Variants in MMS22L observed in about 807,000 individuals in gnomAD.
MMS22L encodes protein MMS22-like.
Under a neutral mutation model 159.1 loss-of-function variants are expected in MMS22L, and 74 were observed. That is an observed-to-expected ratio of 0.47 (90% CI 0.39 to 0.56). The LOEUF is 0.56. Ranked by LOEUF, MMS22L falls within the 20% of genes least tolerant of loss-of-function variation. The probability of loss-of-function intolerance (pLI) is 0.00; values close to 1 mark genes in which losing one functional copy is unlikely to be tolerated. For missense variants in MMS22L, 1,351 were observed against 1,422.1 expected (o/e 0.95, Z 0.80); for synonymous variants, 517 against 506.9 (o/e 1.02, Z -0.27).
intron 4 of MMS22L, 50 bp downstream of exon 4, chr6:97,278,799 A>G: frequency 3.3e-6 from 5 of 1,495,198 alleles, no homozygotes; most frequent in Non-Finnish European, 4.6e-6. Flanking sequence ...TGTGCAACTC[A>G]CTATAATGAA....
chr6:97,259,279 T>C (rs1489986267), intron 9 of MMS22L: 1 of 152,222 alleles, frequency 6.6e-6, no homozygotes, highest in Non-Finnish European at 1.5e-5. Context: ...GAATGGTTAA[T>C]TTTATGTGTC....
chr6:97,206,540 A>C (rs555732072), intron 14 of MMS22L, among the ~76,000 whole-genome samples: 1 of 152,282 alleles, frequency 6.6e-6, no homozygotes, highest in African/African-American at 2.4e-5. Context: ...ATGTTCTTAT[A>C]TTCTTATCCT....
intron 9 of MMS22L, among the ~76,000 whole-genome samples, chr6:97,262,555 G>C (rs534822330): frequency 3.1e-4 from 46 of 149,938 alleles, no homozygotes; most frequent in Non-Finnish European, 5.0e-4. Flanking sequence ...TAAGGCACGA[G>C]AATTGCTTGA....
At chr6:97,194,871 ACT>A (rs1806313828) in intron 14 of MMS22L, among the ~76,000 whole-genome samples, 2 of 152,062 alleles carry the variant, frequency 1.3e-5, no homozygotes, top group Non-Finnish European at 2.9e-5. Context: ...CAAATCACTT[ACT>A]CTCTAATTCA....
chr6:97,171,829 G>A (rs1356160974), intron 19 of MMS22L, among the ~76,000 whole-genome samples: 1 of 152,138 alleles, frequency 6.6e-6, no homozygotes, highest in African/African-American at 2.4e-5. Context: ...GCTCTCCAAA[G>A]TTTATACTTT....
chr6:97,235,546 G>A (rs1471028939), intron 11 of MMS22L, among the ~76,000 whole-genome samples: 3 of 152,174 alleles, frequency 2.0e-5, no homozygotes, highest in African/African-American at 4.8e-5. Context: ...CAGGCATTGC[G>A]GATGCCAAGA....
At chr6:97,279,339 C>G (rs1314180233) in intron 3 of MMS22L, among the ~76,000 whole-genome samples, 2 of 151,966 alleles carry the variant, frequency 1.3e-5, no homozygotes, top group East Asian at 1.9e-4. Context: ...AAAAAATTAG[C>G]CCGGCATGGT....
chr6:97,268,350 A>G lies in MMS22L; in HGVS notation c.698-348T>C, dbSNP rs2128086055. Among the ~76,000 whole-genome samples the G allele has an allele frequency of 1.3e-5, 2 of 151,988 alleles. 1 individual carries two copies. Among genetic ancestry groups the G allele is most frequent in the Middle Eastern group, 6.8e-3 (2 of 294 alleles). On this transcript the variant is annotated intron_variant, in intron 7 of 24. Coordinates refer to ENST00000683635, the MANE Select transcript of MMS22L (RefSeq NM_001350599.2). ...TAGGCACCCGCCACCTCACCTGGCT[A>G]ATTCTGTTTTTGTATTTTTAGTAGA...
chr6:97,169,729 T>C (rs1368473944), intron 19 of MMS22L, among the ~76,000 whole-genome samples: 3 of 152,168 alleles, frequency 2.0e-5, no homozygotes, highest in Non-Finnish European at 4.4e-5. Context: ...ATGACAGCAA[T>C]ATTAGAAGAA....
At chr6:97,151,642 T>C (rs111804740) in intron 23 of MMS22L, 129 bp downstream of exon 23, 2 of 721,568 alleles carry the variant, frequency 2.8e-6, no homozygotes, top group African/African-American at 1.8e-5. Flanking sequence ...CTGCCAAAAA[T>C]ACAATAATTG....
intron 14 of MMS22L, among the ~76,000 whole-genome samples, chr6:97,227,802 T>A (rs2127993216): frequency 6.6e-6 from 1 of 152,338 alleles, no homozygotes; most frequent in East Asian, 1.9e-4. Context: ...AGTGGTAGTA[T>A]TTAACTTCTT....
chr6:97,272,686 A>T lies in MMS22L; in HGVS notation c.606+18T>A. 1 of 1,589,822 alleles carries T rather than the reference A, an allele frequency of 6.3e-7. No homozygotes were observed. Among genetic ancestry groups the T allele is most frequent in the Non-Finnish European group, 8.6e-7 (1 of 1,168,094 alleles). The stretch of plus-strand genomic sequence containing the variant: ...AGAAAAAGCTGATAATTTAAAAATC[A>T]AATGAAACAAGTCAAACCTTAATCT... On this transcript the variant is annotated intron_variant, in intron 6 of 24. Coordinates refer to ENST00000683635, the MANE Select transcript of MMS22L (RefSeq NM_001350599.2).
upstream of MMS22L, chr6:97,283,254 G>T (rs1348371447): frequency 1.3e-5 from 2 of 152,336 alleles, no homozygotes; most frequent in Non-Finnish European, 2.9e-5. Flanking sequence ...GCTACCAATC[G>T]CCTCGCGATA....
chr6:97,206,081 A>G (rs967859199), intron 14 of MMS22L, among the ~76,000 whole-genome samples: 2 of 152,182 alleles, frequency 1.3e-5, no homozygotes, highest in Non-Finnish European at 2.9e-5. Flanking sequence ...AACCACTAAC[A>G]TGCAACAGGA....
intron 6 of MMS22L, 103 bp from the exon 7 acceptor site, chr6:97,270,095 C>A: frequency 2.4e-6 from 2 of 840,402 alleles, no homozygotes; most frequent in African/African-American, 1.7e-5. Context: ...GATAAAGAAC[C>A]AATTAACCTA....
intron 15 of MMS22L, among the ~76,000 whole-genome samples, chr6:97,182,464 T>A (rs1769628030): frequency 6.6e-6 from 1 of 152,186 alleles, no homozygotes; most frequent in South Asian, 2.1e-4. Flanking sequence ...CCTTCTCACC[T>A]TAGACACTGG....
chr6:97,152,620 A>T (rs189007436), intron 22 of MMS22L, among the ~76,000 whole-genome samples: 1 of 152,280 alleles, frequency 6.6e-6, no homozygotes, highest in Admixed American at 6.5e-5. Flanking sequence ...CCTAAATTAT[A>T]GCAGGAGCAC....
intron 14 of MMS22L, among the ~76,000 whole-genome samples, chr6:97,203,043 T>C (rs1033465351): frequency 6.6e-6 from 1 of 152,176 alleles, no homozygotes; most frequent in Admixed American, 6.6e-5. Flanking sequence ...ACTTACTACT[T>C]AGAAACACAT....
At chr6:97,246,271 C>A (rs543485986) in intron 11 of MMS22L, 1 of 408,384 alleles carries the variant, frequency 2.4e-6, no homozygotes, top group Admixed American at 3.2e-5. Context: ...AGTCACCTTC[C>A]TGCTGTGATG....
Sources: allele counts gnomAD v4.1 joint callset (sites outside exome capture counted in the v4.1 genomes callset), GRCh38; gene constraint gnomAD v4.1.1; transcripts MANE v1.5; gene names NCBI Gene and HGNC (gene_info 2026-07-23, HGNC 2026-07-21).